The following GGTA1 variants were observed in gnomAD, a reference collection of about 807,000 sequenced individuals.
The protein encoded by GGTA1 is glycoprotein alpha-galactosyltransferase 1 (inactive).
Under a neutral mutation model 2.6 loss-of-function variants are expected in GGTA1, and 5 were observed. That is an observed-to-expected ratio of 1.92 (90% CI 1.00 to 4.04). GGTA1 has a LOEUF of 4.04. Among genes scored for constraint, GGTA1 ranks in the 30% most tolerant of loss-of-function variants. The pLI, the probability that GGTA1 is intolerant of heterozygous loss-of-function variation, is 0.00. For synonymous variants in GGTA1, 17 were observed against 5.0 expected (o/e 3.38, Z -3.19); for missense variants, 50 against 16.7 (o/e 2.99, Z -3.47).
At chr9:121,458,908 T>C (rs1056827586) in intron 5 of GGTA1, among the ~76,000 whole-genome samples, 39 of 152,310 alleles carry the variant, frequency 2.6e-4, no homozygotes, top group African/African-American at 8.9e-4. Flanking sequence ...CCATCTAGCC[T>C]GTCCCTGGCG....
chr9:121,459,294 A>C (rs1425425380), intron 5 of GGTA1, among the ~76,000 whole-genome samples: 1 of 152,170 alleles, frequency 6.6e-6, no homozygotes, highest in Non-Finnish European at 1.5e-5. Flanking sequence ...CTGTCTCTAC[A>C]AAAGAATTAA....
chr9:121,493,368 C>T (rs993282252), intron 1 of GGTA1, among the ~76,000 whole-genome samples: 18 of 152,062 alleles, frequency 1.2e-4, no homozygotes, highest in Admixed American at 1.3e-4. Flanking sequence ...CTTCAGGACC[C>T]GGCTTTCATG....
Position 121,496,656 on chromosome 9 carries a change from C to T in GGTA1, c.-10+2994G>A, listed in dbSNP as rs145165280. 8.5e-3 allele frequency among the ~76,000 whole-genome samples: 1,106 copies of T among 130,496 alleles called. 18 individuals carry two copies. The highest frequency in any genetic ancestry group is 0.03 in the African/African-American group (1,050 of 34,582). 85.6% of individuals were successfully genotyped at this position (130,496 alleles called of 152,430 possible). On this transcript the variant is annotated intron_variant, in intron 1 of 5. Transcript: ENST00000481799. ...CTGAGGCAGGAGAATCGCTTGAACC[C>T]GGGAGGCAAAGGTTGCAGTGAGCCA... is the stretch of plus-strand genomic sequence containing the variant.
chr9:121,466,813 C>T (rs1172969174), intron 2 of GGTA1, among the ~76,000 whole-genome samples: 3 of 151,982 alleles, frequency 2.0e-5, no homozygotes, highest in African/African-American at 7.2e-5. Context: ...ATTAGCTGGG[C>T]GTGGTAATAC....
chr9:121,485,165 A>G (rs1828733211), intron 1 of GGTA1, among the ~76,000 whole-genome samples: 2 of 152,246 alleles, frequency 1.3e-5, no homozygotes, highest in South Asian at 4.1e-4. Context: ...TCTTAAAAGA[A>G]TACGAGTTCG....
At chr9:121,453,739 C>T (rs776740690), downstream of GGTA1, among the ~76,000 whole-genome samples, 4 of 152,180 alleles carry the variant, frequency 2.6e-5, no homozygotes, top group African/African-American at 4.8e-5. Flanking sequence ...GCAAATACGT[C>T]GGGCCAGCAC....
chr9:121,447,865 A>G (rs752497495), intron 7 of GGTA1, among the ~76,000 whole-genome samples: 17 of 152,128 alleles, frequency 1.1e-4, no homozygotes, highest in Non-Finnish European at 2.5e-4. Context: ...GGAATGACTT[A>G]TCTCACTGCC....
intron 1 of GGTA1, among the ~76,000 whole-genome samples, chr9:121,495,273 T>C (rs1207342699): frequency 6.6e-6 from 1 of 151,438 alleles, no homozygotes; most frequent in Non-Finnish European, 1.5e-5. Context: ...GGGCCAGGCA[T>C]GGTGGCTCAT....
At chr9:121,451,421 G>A (rs1276001945), downstream of GGTA1, among the ~76,000 whole-genome samples, 1 of 152,118 alleles carries the variant, frequency 6.6e-6, no homozygotes, top group Non-Finnish European at 1.5e-5. Flanking sequence ...TCCTGACCTC[G>A]TGATCCACCC....
intron 2 of GGTA1, among the ~76,000 whole-genome samples, chr9:121,465,282 C>T (rs1442955151): frequency 5.3e-5 from 8 of 152,248 alleles, no homozygotes; most frequent in Admixed American, 5.2e-4. Flanking sequence ...AAACTCAGAG[C>T]TTGAAGGTTA....
At chr9:121,472,884 C>T (rs1232827995) in intron 1 of GGTA1, among the ~76,000 whole-genome samples, 1 of 152,132 alleles carries the variant, frequency 6.6e-6, no homozygotes, top group Middle Eastern at 3.2e-3. Flanking sequence ...TCCAAATCCC[C>T]GCTCCAAATA....
chr9:121,499,345 C>T (rs997357006), intron 1 of GGTA1, among the ~76,000 whole-genome samples: 8 of 152,096 alleles, frequency 5.3e-5, no homozygotes, highest in Non-Finnish European at 1.0e-4. Flanking sequence ...CCCTCTCTTC[C>T]CCCACCCCAA....
intron 1 of GGTA1, among the ~76,000 whole-genome samples, chr9:121,471,777 C>A (rs1293540929): frequency 6.6e-6 from 1 of 152,180 alleles, no homozygotes; most frequent in African/African-American, 2.4e-5. Flanking sequence ...GCCCCAGACC[C>A]GTGGCAAAGT....
downstream of GGTA1, chr9:121,452,406 T>G (rs1407736530): frequency 1.3e-5 from 2 of 152,610 alleles, no homozygotes; most frequent in African/African-American, 4.8e-5. Context: ...GACTGTAGCT[T>G]AACGCCAAAC....
chr9:121,462,009 C>G lies in GGTA1; in HGVS notation c.117-692G>C, dbSNP rs554859332. ...CCACCCATTTGAGAAAGTTTCCACACTCATTCATTGTGAAAGTCTCTTCAA... is the reference window on the plus strand; with the variant it reads ...CCACCCATTTGAGAAAGTTTCCACAGTCATTCATTGTGAAAGTCTCTTCAA... On this transcript the variant is annotated intron_variant, in intron 3 of 5. Coordinates refer to ENST00000481799, the MANE Select transcript of GGTA1 (RefSeq NM_001382585.1). Among the ~76,000 whole-genome samples the G allele has an allele frequency of 2.0e-5, 3 of 152,326 alleles. No individual in the cohort carries two copies. In the East Asian group the frequency reaches 5.8e-4, roughly 29 times the overall value.
chr9:121,471,029 TAG>T (rs1392045113), intron 1 of GGTA1, among the ~76,000 whole-genome samples: 1 of 152,142 alleles, frequency 6.6e-6, no homozygotes, highest in Non-Finnish European at 1.5e-5. Flanking sequence ...TGAGAGAATG[TAG>T]AGAGAGGAAA....
intron 1 of GGTA1, among the ~76,000 whole-genome samples, chr9:121,473,050 G>C (rs912286376): frequency 2.0e-5 from 3 of 152,042 alleles, no homozygotes; most frequent in Non-Finnish European, 4.4e-5. Flanking sequence ...TTGGATGACC[G>C]GGTGCAAACC....
downstream of GGTA1, among the ~76,000 whole-genome samples, chr9:121,453,461 G>T (rs999300849): frequency 6.8e-6 from 1 of 147,788 alleles, no homozygotes; most frequent in African/African-American, 2.5e-5. Context: ...TGAGGGTGAA[G>T]CTCCAGGCAG....
Position 121,460,146 on chromosome 9 carries a change from T to C in GGTA1, c.256A>G (p.Met86Val). The C allele has an allele frequency of 2.2e-6, 1 of 456,910 alleles. No homozygotes were observed. Among genetic ancestry groups the C allele is most frequent in the Non-Finnish European group, 4.4e-6 (1 of 227,024 alleles). The allele number at this position is 456,910 out of a possible 1,614,324, so 28.3% of individuals were successfully genotyped here. The change falls in exon 5 of 6, where the codon ATG becomes GTG. Residue 86 changes from methionine to valine, a missense_variant. Met to Val is a conservative substitution (Grantham distance 21, BLOSUM62 1). Coordinates refer to ENST00000481799, the MANE Select transcript of GGTA1 (RefSeq NM_001382585.1). ...CCATAGCCGAAGCTCTGTTGTGTCA[T>C]TTTCCTTCCTTTGGTCTCCTCTCTT... ...KGREETKGRK[M>V]TQQSFGYGTG...
Sources: gnomAD v4.1 joint callset for allele counts (sites outside exome capture counted in the v4.1 genomes callset) on GRCh38, gnomAD v4.1.1 for gene constraint, MANE v1.5 for transcripts, NCBI Gene and HGNC (gene_info 2026-07-23, HGNC 2026-07-21) for gene names.